KCNIP4: variants seen among roughly 807,000 people sequenced by gnomAD.
KCNIP4 encodes the protein Kv channel-interacting protein 4.
A neutral mutation model predicts 34.0 loss-of-function variants in KCNIP4; 12 were observed. The observed-to-expected ratio is 0.35, with a 90% CI of 0.23 to 0.57. KCNIP4 has a LOEUF of 0.57. Ranked by LOEUF, KCNIP4 falls within the 20% of genes least tolerant of loss-of-function variation. The pLI, the probability that KCNIP4 is intolerant of heterozygous loss-of-function variation, is 0.83. For synonymous variants in KCNIP4, 124 were observed against 102.2 expected (o/e 1.21, Z -1.29); for missense variants, 238 against 311.7 (o/e 0.76, Z 1.78).
chr4:21,230,568 A>C (rs1758719735), intron 1 of KCNIP4, among the ~76,000 whole-genome samples: 1 of 152,004 alleles, frequency 6.6e-6, no homozygotes, highest in Admixed American at 6.6e-5. Context: ...CCTTGTGTCC[A>C]TGTGTTCCTA....
At chr4:21,117,291 C>A (rs5027019) in intron 1 of KCNIP4, among the ~76,000 whole-genome samples, 2 of 56,574 alleles carry the variant, frequency 3.5e-5, no homozygotes, top group Non-Finnish European at 3.0e-5. Context: ...GTAGCCTGGC[C>A]GGGGTTGCCG....
chr4:20,875,321 CTGA>C (rs1377225755), intron 2 of KCNIP4, among the ~76,000 whole-genome samples: 1 of 152,174 alleles, frequency 6.6e-6, no homozygotes, highest in Non-Finnish European at 1.5e-5. Context: ...ATGCCTCTTG[CTGA>C]TGATGTGATT....
At chr4:21,116,271 T>C (rs1463986446) in intron 1 of KCNIP4, among the ~76,000 whole-genome samples, 1 of 152,268 alleles carries the variant, frequency 6.6e-6, no homozygotes, top group Middle Eastern at 3.2e-3. Context: ...ATGCATGCCC[T>C]TGGAATCCAA....
chr4:21,095,865 A>G (rs1747419465), intron 1 of KCNIP4, among the ~76,000 whole-genome samples: 1 of 152,180 alleles, frequency 6.6e-6, no homozygotes, highest in East Asian at 1.9e-4. Flanking sequence ...GTTGTTATGC[A>G]CTGCTGCATG....
chr4:21,284,887 A>T (rs1027012006), intron 1 of KCNIP4, among the ~76,000 whole-genome samples: 1 of 152,042 alleles, frequency 6.6e-6, no homozygotes, highest in Admixed American at 6.5e-5. Context: ...AAGGGATTCC[A>T]AGAGACCTGA....
intron 1 of KCNIP4, among the ~76,000 whole-genome samples, chr4:21,232,330 A>G (rs1476087212): frequency 6.6e-6 from 1 of 152,180 alleles, no homozygotes; most frequent in East Asian, 1.9e-4. Flanking sequence ...AAAACATTTT[A>G]ATCTACCTAT....
intron 1 of KCNIP4, among the ~76,000 whole-genome samples, chr4:21,348,988 T>A (rs1486243501): frequency 6.6e-6 from 1 of 152,132 alleles, no homozygotes; most frequent in East Asian, 1.9e-4. Flanking sequence ...ATTGGCTTTG[T>A]CAATTACTTT....
intron 1 of KCNIP4, among the ~76,000 whole-genome samples, chr4:21,380,454 AGGGG>A (rs1421033415): frequency 8.2e-6 from 1 of 121,650 alleles, no homozygotes; most frequent in Non-Finnish European, 1.9e-5. Context: ...GGAGAGGGAG[AGGGG>A]GAGAGAGAGA....
At chr4:20,747,703 A>G (rs2149329827) in intron 5 of KCNIP4, among the ~76,000 whole-genome samples, 1 of 151,980 alleles carries the variant, frequency 6.6e-6, no homozygotes, top group Non-Finnish European at 1.5e-5. Flanking sequence ...AAGTTATGGG[A>G]GATGACCTTT....
At chr4:21,279,908 TA>T (rs1024483208) in intron 1 of KCNIP4, among the ~76,000 whole-genome samples, 1 of 152,168 alleles carries the variant, frequency 6.6e-6, no homozygotes, top group African/African-American at 2.4e-5. Flanking sequence ...AGCAGCACTT[TA>T]CTATTAAAAG....
chr4:20,956,635 GA>G (rs1300921199), intron 1 of KCNIP4, among the ~76,000 whole-genome samples: 1 of 152,106 alleles, frequency 6.6e-6, no homozygotes, highest in Non-Finnish European at 1.5e-5. Flanking sequence ...GATTAAAAAT[GA>G]GAGAGGAATC....
intron 1 of KCNIP4, among the ~76,000 whole-genome samples, chr4:20,996,660 T>C (rs1202748637): frequency 6.6e-6 from 1 of 152,212 alleles, no homozygotes; most frequent in African/African-American, 2.4e-5. Context: ...GACCACACTA[T>C]CAGAAGGATT....
intron 1 of KCNIP4, among the ~76,000 whole-genome samples, chr4:20,943,668 A>G (rs892712): frequency 0.99 from 151,217 of 152,232 alleles, 75,111 homozygotes; most frequent in Middle Eastern, 1. Context: ...ATAAACTGCC[A>G]AGCTGGTTTT....
At chr4:21,259,278 A>G (rs1761293737) in intron 1 of KCNIP4, among the ~76,000 whole-genome samples, 2 of 152,240 alleles carry the variant, frequency 1.3e-5, no homozygotes, top group South Asian at 4.1e-4. Context: ...CTGTGTTAAC[A>G]ACTCAGGCAA....
chr4:21,070,503 C>A (rs1744796043), intron 1 of KCNIP4, among the ~76,000 whole-genome samples: 1 of 151,612 alleles, frequency 6.6e-6, no homozygotes, highest in South Asian at 2.1e-4. Flanking sequence ...GTAGTGATAT[C>A]TCATTGTCAT....
intron 1 of KCNIP4, among the ~76,000 whole-genome samples, chr4:21,637,007 C>G (rs937623412): frequency 2.6e-5 from 4 of 152,078 alleles, no homozygotes; most frequent in Non-Finnish European, 5.9e-5. Flanking sequence ...GTTACTCAAG[C>G]AGCAGCGAAG....
chr4:20,852,117 C>T (rs768085543), intron 2 of KCNIP4, among the ~76,000 whole-genome samples: 1 of 152,054 alleles, frequency 6.6e-6, no homozygotes, highest in Non-Finnish European at 1.5e-5. Flanking sequence ...GGAAACCTCC[C>T]TAATTCATTC....
At chr4:21,820,036 T>G (rs1722234191) in intron 1 of KCNIP4, among the ~76,000 whole-genome samples, 1 of 151,868 alleles carries the variant, frequency 6.6e-6, no homozygotes, top group Admixed American at 6.6e-5. Context: ...TAAAAAGCAT[T>G]TTCATTAAAA....
intron 1 of KCNIP4, among the ~76,000 whole-genome samples, chr4:21,614,021 T>C (rs1440770224): frequency 2.6e-5 from 4 of 151,212 alleles, no homozygotes; most frequent in African/African-American, 4.9e-5. Context: ...CGTGGTAGCA[T>C]GCACCTGTAA....
Sources: allele counts gnomAD v4.1 joint callset (sites outside exome capture counted in the v4.1 genomes callset), GRCh38; gene constraint gnomAD v4.1.1; transcripts MANE v1.5; gene names NCBI Gene and HGNC (gene_info 2026-07-23, HGNC 2026-07-21).